The following ASIC2 variants were observed in gnomAD, a reference collection of about 807,000 sequenced individuals.
The protein encoded by ASIC2 is acid sensing ion channel subunit 2.
A neutral mutation model predicts 57.3 loss-of-function variants in ASIC2; 25 were observed. The ratio of observed to expected loss-of-function variants is 0.44; its 90% confidence interval spans 0.32 to 0.61. The LOEUF is 0.61. Ranked by LOEUF, ASIC2 falls within the 20% of genes least tolerant of loss-of-function variation. ASIC2 has a pLI of 0.06. For synonymous variants in ASIC2, 319 were observed against 307.5 expected, an observed-to-expected ratio of 1.04 and a Z score of -0.39; for missense variants, 641 against 738.1, an observed-to-expected ratio of 0.87 and a Z score of 1.52.
intron 1 of ASIC2, among the ~76,000 whole-genome samples, chr17:33,272,365 T>C (rs1475190070): frequency 6.6e-6 from 1 of 152,226 alleles, no homozygotes; most frequent in African/African-American, 2.4e-5. Context: ...TTGTTTGCTG[T>C]AGTCCAATGC....
At chr17:33,945,031 G>A (rs377719694) in intron 1 of ASIC2, among the ~76,000 whole-genome samples, 1 of 152,184 alleles carries the variant, frequency 6.6e-6, no homozygotes, top group Non-Finnish European at 1.5e-5. Flanking sequence ...CTGAGCAGAT[G>A]CCTAATTTAA....
chr17:33,893,760 C>T (rs185056905), intron 1 of ASIC2, among the ~76,000 whole-genome samples: 24 of 152,310 alleles, frequency 1.6e-4, no homozygotes, highest in African/African-American at 5.8e-4. Flanking sequence ...TGTAGTGGAT[C>T]ATAAGTCACA....
At chr17:33,054,398 G>C (rs929541094) in intron 3 of ASIC2, among the ~76,000 whole-genome samples, 2 of 152,198 alleles carry the variant, frequency 1.3e-5, no homozygotes, top group African/African-American at 4.8e-5. Context: ...AGGTAAAATT[G>C]GGAGCTTGCT....
intron 1 of ASIC2, among the ~76,000 whole-genome samples, chr17:33,320,517 C>A (rs1427763899): frequency 6.6e-6 from 1 of 152,190 alleles, no homozygotes; most frequent in African/African-American, 2.4e-5. Flanking sequence ...CAGTTGGAGA[C>A]AGAGCTGGTG....
intron 1 of ASIC2, among the ~76,000 whole-genome samples, chr17:33,132,971 G>T (rs1247592016): frequency 6.6e-6 from 1 of 152,238 alleles, no homozygotes; most frequent in East Asian, 1.9e-4. Flanking sequence ...TATATAGACA[G>T]ATGAACAATA....
intron 1 of ASIC2, among the ~76,000 whole-genome samples, chr17:33,987,465 TAGGGACTGGCACCAAGA>T (rs1401617554): frequency 1.3e-5 from 2 of 152,206 alleles, no homozygotes; most frequent in Non-Finnish European, 2.9e-5. Flanking sequence ...GCTGGGCAGC[TAGGGACTGGCACCAAGA>T]AGGCACTTGG....
chr17:33,100,650 A>G (rs915022731), intron 2 of ASIC2, among the ~76,000 whole-genome samples: 1 of 152,202 alleles, frequency 6.6e-6, no homozygotes, highest in East Asian at 1.9e-4. Context: ...ATACATTTCC[A>G]TCTACCATCT....
intron 1 of ASIC2, among the ~76,000 whole-genome samples, chr17:33,526,318 G>A (rs907912672): frequency 4.6e-5 from 7 of 152,158 alleles, no homozygotes; most frequent in Admixed American, 1.3e-4. Flanking sequence ...TGCTGGGGAC[G>A]TCATTCATCC....
intron 1 of ASIC2, among the ~76,000 whole-genome samples, chr17:33,583,115 T>C (rs1213242466): frequency 6.6e-6 from 1 of 152,246 alleles, no homozygotes; most frequent in African/African-American, 2.4e-5. Context: ...AAGGTAAGGC[T>C]TCTTTTCTCA....
chr17:33,933,763 C>T (rs140411637), intron 1 of ASIC2, among the ~76,000 whole-genome samples: 3 of 152,328 alleles, frequency 2.0e-5, no homozygotes, highest in Middle Eastern at 3.4e-3. Context: ...AGGTCTCACT[C>T]GTTCATACTC....
intron 1 of ASIC2, among the ~76,000 whole-genome samples, chr17:33,472,020 CTT>C (rs58443184): frequency 0.41 from 56,646 of 139,476 alleles, 13,336 homozygotes; most frequent in African/African-American, 0.68. Context: ...AGGGACTTTT[CTT>C]TTTTTTTTTT....
intron 1 of ASIC2, among the ~76,000 whole-genome samples, chr17:33,966,273 G>C (rs1358828042): frequency 2.0e-5 from 3 of 152,182 alleles, no homozygotes; most frequent in East Asian, 3.9e-4. Flanking sequence ...AATGAGGATA[G>C]CATGGGCTTT....
At chr17:33,117,855 G>A (rs947531090) in intron 1 of ASIC2, among the ~76,000 whole-genome samples, 2 of 152,146 alleles carry the variant, frequency 1.3e-5, no homozygotes, top group African/African-American at 4.8e-5. Flanking sequence ...ATGAAGACGG[G>A]GTCAGAGATT....
intron 1 of ASIC2, among the ~76,000 whole-genome samples, chr17:33,646,656 T>C (rs1172071603): frequency 1.3e-5 from 2 of 152,176 alleles, no homozygotes; most frequent in African/African-American, 2.4e-5. Context: ...AACATGTACA[T>C]TTTACTACTT....
At chr17:33,749,946 C>A (rs1419561926) in intron 1 of ASIC2, among the ~76,000 whole-genome samples, 2 of 152,178 alleles carry the variant, frequency 1.3e-5, no homozygotes, top group Admixed American at 6.5e-5. Flanking sequence ...GAGTCTCCCC[C>A]CATGCCATCT....
Position 33,687,726 on chromosome 17 carries a change from T to C in ASIC2, c.555+468252A>G, listed in dbSNP as rs2142061724. Among the ~76,000 whole-genome samples the C allele has an allele frequency of 1.3e-5, 2 of 152,318 alleles. 1 individual carries two copies. The highest frequency in any genetic ancestry group is 4.1e-4 in the South Asian group (2 of 4,822). On this transcript the variant is annotated intron_variant, in intron 1 of 9. Transcript: ENST00000359872. Reference sequence around the variant, plus strand: ...GAGGATAATTATTCATTGGATGTAGTTTACGGCATTTAGTTGCAGGTCCTG... The same window carrying C: ...GAGGATAATTATTCATTGGATGTAGCTTACGGCATTTAGTTGCAGGTCCTG...
At chr17:34,015,068 CTTTTTT>C (rs776970617) in intron 1 of ASIC2, among the ~76,000 whole-genome samples, 1 of 129,674 alleles carries the variant, frequency 7.7e-6, no homozygotes, top group South Asian at 2.5e-4. Flanking sequence ...TTTCTTCTGC[CTTTTTT>C]TTTTTTTTTT....
chr17:33,272,328 T>C (rs371379920), intron 1 of ASIC2, among the ~76,000 whole-genome samples: 2 of 152,358 alleles, frequency 1.3e-5, no homozygotes, highest in South Asian at 2.1e-4. Flanking sequence ...ATAAGCCTCA[T>C]GAAGGCAAGG....
intron 7 of ASIC2, among the ~76,000 whole-genome samples, chr17:33,019,429 G>A (rs1041118451): frequency 1.3e-5 from 2 of 151,970 alleles, no homozygotes; most frequent in South Asian, 4.1e-4. Context: ...TGATTGGAAC[G>A]TGGGGCTGTA....
Sources: gnomAD v4.1 joint callset for allele counts (sites outside exome capture counted in the v4.1 genomes callset) on GRCh38, gnomAD v4.1.1 for gene constraint, MANE v1.5 for transcripts, NCBI Gene and HGNC (gene_info 2026-07-23, HGNC 2026-07-21) for gene names.